The following TAOK2 variants were observed in gnomAD, a reference collection of about 807,000 sequenced individuals.
TAOK2 encodes the protein serine/threonine-protein kinase TAO2.
Under a neutral mutation model 122.5 loss-of-function variants are expected in TAOK2, and 42 were observed. The ratio of observed to expected loss-of-function variants is 0.34; its 90% CI spans 0.27 to 0.44. The LOEUF (loss-of-function observed/expected upper bound fraction) is 0.44. Ranked by LOEUF, TAOK2 falls within the 20% of genes least tolerant of loss-of-function variation. The pLI, the probability that TAOK2 is intolerant of heterozygous loss-of-function variation, is 1.00. For missense variants in TAOK2, 1,264 were observed against 1,644.9 expected, an observed-to-expected ratio of 0.77 and a Z score of 4.01; for synonymous variants, 704 against 677.6, an observed-to-expected ratio of 1.04 and a Z score of -0.61.
rs2069873858 is a variant in TAOK2, at chr16:29,988,127, T to C, written c.*147T>C. 1 of 1,432,906 alleles carries C rather than the reference T, an allele frequency of 7.0e-7. No individual in the cohort carries two copies. 88.8% of individuals were successfully genotyped at this position (1,432,906 alleles called of 1,614,324 possible). ...CCCCAGGCCCAGCCCTTCGGACCTCTAGACAGGCAGCCTCCTCAGCTGTGG... is the reference window on the plus strand; with the variant it reads ...CCCCAGGCCCAGCCCTTCGGACCTCCAGACAGGCAGCCTCCTCAGCTGTGG... On this transcript the variant is annotated 3_prime_UTR_variant, in exon 16 of 16. Coordinates refer to ENST00000308893, the MANE Select transcript of TAOK2 (RefSeq NM_016151.4).
chr16:29,989,444 C>T (rs1182693401), downstream of TAOK2: 2 of 1,427,566 alleles, frequency 1.4e-6, no homozygotes, highest in Non-Finnish European at 1.8e-6. Context: ...TTTTCTGTTT[C>T]TCTCCCTCTC....
downstream of TAOK2, chr16:29,991,017 CG>C (rs1567255449): frequency 6.3e-7 from 1 of 1,582,202 alleles, no homozygotes; most frequent in Non-Finnish European, 8.6e-7. This position sits in a 1 kb window ranked among gnomAD's most constrained non-coding sequence, Gnocchi z 5.6. Flanking sequence ...CTCCTGCCCC[CG>C]ACTCTAACCT....
Position 29,985,143 on chromosome 16 carries a change from G to C in TAOK2, c.1423-70G>C. On this transcript the variant is annotated intron_variant, in intron 13 of 15. Transcript: ENST00000308893. This position sits in a 1 kb window ranked among gnomAD's most constrained non-coding sequence, Gnocchi z 6.9. ...GTTGAAAACCCATGCTCTTCCCCAC[G>C]GAAGACCCCTTGTGTTAATTAACTA... The C allele has an allele frequency of 1.4e-6, 2 of 1,437,614 alleles. No individual in the cohort carries two copies. The highest frequency in any genetic ancestry group is 1.7e-5 in the South Asian group (1 of 57,470). The allele number at this position is 1,437,614 out of a possible 1,614,324, so 89.1% of individuals were successfully genotyped here. A position where few individuals can be genotyped will look rare whatever the true frequency, so the allele number is the denominator to read the frequency against.
chr16:29,989,979 G>A (rs1269079972), downstream of TAOK2: 1 of 640,408 alleles, frequency 1.6e-6, no homozygotes, highest in Non-Finnish European at 2.6e-6. Context: ...TCTCCTCAGT[G>A]GTTTTATTCT....
At position 29,986,581 on chromosome 16, in the gene TAOK2, C is replaced by G. The variant is rs2069803623; in HGVS notation, c.2309C>G (p.Pro770Arg). 1 of 1,613,706 alleles carries G rather than the reference C, an allele frequency of 6.2e-7. No homozygotes were observed. Among genetic ancestry groups the G allele is most frequent in the African/African-American group, 1.3e-5 (1 of 74,938 alleles). The change falls in exon 16 of 16, where the codon CCT becomes CGT. Residue 770 changes from proline (P) to arginine (R), a missense_variant. Physicochemically the swap from Pro to Arg is moderately radical, Grantham distance 103 (BLOSUM62 -2). Coordinates refer to ENST00000308893, the MANE Select transcript of TAOK2 (RefSeq NM_016151.4). This position sits in a 1 kb window ranked among gnomAD's most constrained non-coding sequence, Gnocchi z 4.2. ...CTGGGCCCACCCAACACAGGCACCC[C>G]TATAGAACAGCAGCCCTGCTCACCT... The part of the protein sequence containing the change: ...GALGPPNTGT[P>R]IEQQPCSPGQ...
chr16:29,976,995 G>A (rs2069474846), intron 1 of TAOK2, among the ~76,000 whole-genome samples: 1 of 152,168 alleles, frequency 6.6e-6, no homozygotes, highest in African/African-American at 2.4e-5. Context: ...TTGTAGTGAG[G>A]ACTGAATAGA....
downstream of TAOK2, chr16:29,988,745 T>C: frequency 1.0e-6 from 1 of 985,402 alleles, no homozygotes; most frequent in East Asian, 1.1e-4. Context: ...CTCTCCTGCA[T>C]CAGGCATTAC....
rs776768372 is a variant in TAOK2, at chr16:29,983,346, C to T, written c.1260+14C>T. 1.5e-5 allele frequency: 23 copies of T among 1,582,564 alleles called. No individual in the cohort carries two copies. The Admixed American group carries it at 3.7e-4, about 26-fold the overall frequency. ...CACCGGCTGCCGGTACACAGCTCAC[C>T]CTTGGGGGACCCGAGCCACCTGCTC... On this transcript the variant is annotated intron_variant, in intron 12 of 15. Transcript: ENST00000308893.
rs555443511 is a variant in TAOK2, at chr16:29,979,725, C to G, written c.655+217C>G. Among the ~76,000 whole-genome samples, 1 of 152,306 alleles carries G rather than the reference C, an allele frequency of 6.6e-6. No homozygotes were observed. Among genetic ancestry groups the G allele is most frequent in the East Asian group, 1.9e-4 (1 of 5,186 alleles). Reference sequence around the variant, plus strand: ...CATTCATCTCTTCCTGTCCACTACCCTGGTTCTGAATCTTTTCTTAGTGCC... The same window carrying G: ...CATTCATCTCTTCCTGTCCACTACCGTGGTTCTGAATCTTTTCTTAGTGCC... On this transcript the variant is annotated intron_variant, in intron 8 of 15. Coordinates refer to ENST00000308893, the MANE Select transcript of TAOK2 (RefSeq NM_016151.4). The surrounding 1 kb of genome is among the most constrained non-coding windows in gnomAD (Gnocchi z 4.1).
In TAOK2 at chr16:29,979,095, G is replaced by A; in HGVS notation, c.449+25G>A. 3 of 1,613,558 alleles carry A rather than the reference G, an allele frequency of 1.9e-6. No homozygotes were observed. Among genetic ancestry groups the A allele is most frequent in the Non-Finnish European group, 2.5e-6 (3 of 1,179,490 alleles). On this transcript the variant is annotated intron_variant, in intron 6 of 15. Transcript: ENST00000308893. This position sits in a 1 kb window ranked among gnomAD's most constrained non-coding sequence, Gnocchi z 4.1. ...GGTACAAGCAGCACCGGCAGTGCCT[G>A]GGAGGGGAGTGCTATCTGCACCACC...
At position 29,986,137 on chromosome 16, in the gene TAOK2, C is replaced by A. The variant is rs2069782732; in HGVS notation, c.1993-128C>A. 5 of 1,414,050 alleles carry A rather than the reference C, an allele frequency of 3.5e-6. No homozygotes were observed. In the East Asian group the frequency reaches 9.3e-5, roughly 26 times the overall value. 87.6% of individuals were successfully genotyped at this position (1,414,050 alleles called of 1,614,324 possible). A position where few individuals can be genotyped will look rare whatever the true frequency, so the allele number is the denominator to read the frequency against. The stretch of plus-strand genomic sequence containing the variant: ...CCAAGGAGCCCTGGCCCCTCACTTC[C>A]TTGATACTGACCAGGCCCTGGGCCC... On this transcript the variant is annotated intron_variant, in intron 15 of 15. Transcript: ENST00000308893. This position sits in a 1 kb window ranked among gnomAD's most constrained non-coding sequence, Gnocchi z 4.2.
In TAOK2 at chr16:29,973,926, G is replaced by C. The variant is rs2069373812; in HGVS notation, c.-758G>C. ...GAGACCGGGACGAGACCGGGGCTGT[G>C]GTGCGGAGAGAGGCTGAGACGGAGA... On this transcript the variant is annotated 5_prime_UTR_variant, in exon 1 of 16. Coordinates refer to ENST00000308893, the MANE Select transcript of TAOK2 (RefSeq NM_016151.4). 1.3e-5 allele frequency: 2 copies of C among 152,784 alleles called. No homozygotes were observed. Among genetic ancestry groups the C allele is most frequent in the African/African-American group, 4.8e-5 (2 of 41,472 alleles). The allele number at this position is 152,784 out of a possible 1,614,324, so 9.5% of individuals were successfully genotyped here. A position where few individuals can be genotyped will look rare whatever the true frequency, so the allele number is the denominator to read the frequency against.
In TAOK2 at chr16:29,986,468, T is replaced by C. The variant is rs2069797214; in HGVS notation, c.2196T>C (p.His732=). 1 of 1,604,546 alleles carries C rather than the reference T, an allele frequency of 6.2e-7. No individual in the cohort carries two copies. The highest frequency in any genetic ancestry group is 2.2e-5 in the East Asian group (1 of 44,730). The change falls in exon 16 of 16, where the codon CAT becomes CAC. Residue 732 remains histidine, a synonymous_variant. Coordinates refer to ENST00000308893, the MANE Select transcript of TAOK2 (RefSeq NM_016151.4). This position sits in a 1 kb window ranked among gnomAD's most constrained non-coding sequence, Gnocchi z 4.2. The part of the protein sequence containing the change: ...KRREQELRQK[H]AAQVRQQPKS... ...GTGAGCAAGAGTTGCGGCAGAAGCA[T>C]GCGGCCCAGGTTCGCCAGCAGCCCA...
chr16:29,981,375 T>C (rs1305611164), intron 8 of TAOK2: 1 of 586,776 alleles, frequency 1.7e-6, no homozygotes, highest in Non-Finnish European at 3.0e-6. Context: ...CTAAGAAATA[T>C]TAGTTGGGGT....
At chr16:29,990,084 TGA>T, downstream of TAOK2, 1 of 383,676 alleles carries the variant, frequency 2.6e-6, no homozygotes, top group South Asian at 2.8e-5. Flanking sequence ...TTCCTGGGCC[TGA>T]GTTAGTTTAA....
Position 29,986,631 on chromosome 16 carries a change from A to G in TAOK2, c.2359A>G (p.Arg787Gly), listed in dbSNP as rs2150903705. 6.2e-7 allele frequency: 1 copy of G among 1,611,882 alleles called. No individual in the cohort carries two copies. The highest frequency in any genetic ancestry group is 8.5e-7 in the Non-Finnish European group (1 of 1,179,206). The change falls in exon 16 of 16, where the codon AGA (arginine) becomes GGA (glycine). Residue 787 changes from arginine to glycine, a missense_variant. By Grantham distance (125) the Arg-to-Gly change is moderately radical (BLOSUM62 -2). This residue lies in a region of TAOK2 where 824 missense variants were observed against 908.7 expected (regional missense o/e 0.91). Transcript: ENST00000308893. This position sits in a 1 kb window ranked among gnomAD's most constrained non-coding sequence, Gnocchi z 4.2. Reference sequence around the variant, plus strand: ...TGGCCAGGAGGCAGTCCTGGACCAAAGAATGCTTGGCGAGGAGGAGGAAGC... The same window carrying G: ...TGGCCAGGAGGCAGTCCTGGACCAAGGAATGCTTGGCGAGGAGGAGGAAGC... The part of the protein sequence containing the change: ...SPGQEAVLDQ[R>G]MLGEEEEAVG...
rs769811063 is a variant in TAOK2, at chr16:29,985,357, C to T, written c.1567C>T (p.Arg523Trp). ...LRGEREEHSA[R>W]LQRELEAQRA... ...GGGTGAACGGGAGGAGCACAGTGCA[C>T]GGCTGCAGCGGGAGCTTGAGGCGCA... is the stretch of plus-strand genomic sequence containing the variant. The change falls in exon 14 of 16, where the codon CGG becomes TGG. Residue 523 changes from arginine (R) to tryptophan (W), a missense_variant. This residue lies in a region of TAOK2 where 64 missense variants were observed against 115.7 expected (regional missense o/e 0.55). Transcript: ENST00000308893. The surrounding 1 kb of genome is among the most constrained non-coding windows in gnomAD (Gnocchi z 6.9). 6.8e-6 allele frequency: 11 copies of T among 1,611,072 alleles called. No homozygotes were observed. The highest frequency in any genetic ancestry group is 1.7e-4 in the Middle Eastern group (1 of 6,022).
rs1474746833 is a variant in TAOK2 at position 29,985,134 on chromosome 16, C to T, written c.1423-79C>T. 2.1e-6 allele frequency: 3 copies of T among 1,432,672 alleles called. No individual in the cohort carries two copies. The highest frequency in any genetic ancestry group is 1.8e-5 in the South Asian group (1 of 56,796). 88.7% of individuals were successfully genotyped at this position (1,432,672 alleles called of 1,614,324 possible). ...AACCCATGAGTTGAAAACCCATGCT[C>T]TTCCCCACGGAAGACCCCTTGTGTT... On this transcript the variant is annotated intron_variant, in intron 13 of 15. Coordinates refer to ENST00000308893, the MANE Select transcript of TAOK2 (RefSeq NM_016151.4). This position sits in a 1 kb window ranked among gnomAD's most constrained non-coding sequence, Gnocchi z 6.9.
At chr16:29,981,534 A>G in intron 8 of TAOK2, 127 bp from the exon 9 acceptor site, 1 of 814,850 alleles carries the variant, frequency 1.2e-6, no homozygotes, top group Non-Finnish European at 2.1e-6. Flanking sequence ...GATGATGGGA[A>G]CTTCTCAAGG....
Sources: gnomAD v4.1 joint callset for allele counts (sites outside exome capture counted in the v4.1 genomes callset) on GRCh38, gnomAD v4.1.1 for gene constraint, gnomAD v4.1.1 regional missense constraint, Gnocchi (gnomAD v3.1) non-coding constraint, MANE v1.5 for transcripts, NCBI Gene and HGNC (gene_info 2026-07-23, HGNC 2026-07-21) for gene names.